Variants in PTBP3 observed in about 807,000 individuals in gnomAD.
PTBP3 encodes polypyrimidine tract binding protein 3.
PTBP3 carries 20 observed loss-of-function variants against 58.7 expected under a neutral mutation model. That is an observed-to-expected ratio of 0.34 (90% CI 0.24 to 0.50). The LOEUF (loss-of-function observed/expected upper bound fraction) is 0.50. Among genes scored for constraint, PTBP3 ranks in the 20% least tolerant of loss-of-function variants. PTBP3 has a pLI of 0.98. For missense variants in PTBP3, 509 were observed against 637.2 expected (o/e 0.80, Z 2.17); for synonymous variants, 185 against 219.8 (o/e 0.84, Z 1.40).
chr9:112,224,239 C>T (rs751237324), intron 12 of PTBP3, 29 bp from the exon 13 acceptor site: 6 of 1,380,728 alleles, frequency 4.3e-6, no homozygotes, highest in East Asian at 4.8e-5. Flanking sequence ...GAGTCAACTA[C>T]CTGGGCCGCA....
At chr9:112,234,310 A>C (rs1835361359) in intron 8 of PTBP3, among the ~76,000 whole-genome samples, 1 of 152,216 alleles carries the variant, frequency 6.6e-6, no homozygotes, top group South Asian at 2.1e-4. Context: ...CCCTGAAATA[A>C]ACAGCATGCA....
At chr9:112,294,144 C>T (rs1245293212) in intron 2 of PTBP3, among the ~76,000 whole-genome samples, 2 of 152,074 alleles carry the variant, frequency 1.3e-5, no homozygotes, top group Admixed American at 6.6e-5. Context: ...ATGATGGTAA[C>T]ATTTATAGCC....
intron 4 of PTBP3, among the ~76,000 whole-genome samples, chr9:112,267,812 A>AT (rs200111351): frequency 6.6e-6 from 1 of 152,154 alleles, no homozygotes; most frequent in African/African-American, 2.4e-5. Context: ...AACAATAAAT[A>AT]TTTTTTCTCC....
At chr9:112,324,931 T>G (rs1830098437) in intron 1 of PTBP3, among the ~76,000 whole-genome samples, 1 of 152,156 alleles carries the variant, frequency 6.6e-6, no homozygotes, top group African/African-American at 2.4e-5. Flanking sequence ...TGAAAAACAG[T>G]TGAACAATTT....
At chr9:112,314,731 C>T (rs1829631400) in intron 1 of PTBP3, among the ~76,000 whole-genome samples, 1 of 152,080 alleles carries the variant, frequency 6.6e-6, no homozygotes, top group African/African-American at 2.4e-5. Context: ...CACAAATCTA[C>T]AATTGCGGAC....
chr9:112,253,547 TA>T (rs1315188405), intron 5 of PTBP3, among the ~76,000 whole-genome samples: 1 of 152,152 alleles, frequency 6.6e-6, no homozygotes, highest in African/African-American at 2.4e-5. Flanking sequence ...ATAGGGGGGA[TA>T]AAACAACAAC....
chr9:112,332,844 G>GGTC (rs771035057), intron 1 of PTBP3: 4 of 1,612,362 alleles, frequency 2.5e-6, no homozygotes, highest in Non-Finnish European at 3.4e-6. Context: ...AAGCGTCCAT[G>GGTC]GTCACTAAGT....
Position 112,262,417 on chromosome 9 carries a change from G to A in PTBP3, c.516+18C>T, listed in dbSNP as rs1288896226. On this transcript the variant is annotated intron_variant, in intron 5 of 13. Coordinates refer to ENST00000374257, the MANE Select transcript of PTBP3 (RefSeq NM_001163788.4). ...CATATTTAACTTAACTTTCTTAAGG[G>A]TATTTATTCCTCCTTACCTGATGAA... is the stretch of plus-strand genomic sequence containing the variant. The A allele has an allele frequency of 2.4e-5, 38 of 1,554,212 alleles. No individual in the cohort carries two copies. Among genetic ancestry groups the A allele is most frequent in the Non-Finnish European group, 3.0e-5 (35 of 1,155,556 alleles).
chr9:112,373,839 C>T, the PTBP3 span, among the ~76,000 whole-genome samples: 4 of 152,152 alleles, frequency 2.6e-5, no homozygotes, highest in African/African-American at 9.7e-5. Flanking sequence ...ATGTTTTTAA[C>T]AAAAGAAGGA....
intron 4 of PTBP3, 146 bp downstream of exon 4, chr9:112,267,903 G>T: frequency 1.5e-6 from 1 of 655,956 alleles, no homozygotes; most frequent in Non-Finnish European, 2.2e-6. Flanking sequence ...CTTAAGAATT[G>T]GGGGGAAGAA....
the PTBP3 span, among the ~76,000 whole-genome samples, chr9:112,342,680 C>T: frequency 2.0e-5 from 3 of 151,506 alleles, no homozygotes; most frequent in African/African-American, 7.3e-5. Context: ...TGCACCATTG[C>T]ACTCCTGCCT....
chr9:112,336,656 T>A (rs1406354399), upstream of PTBP3, among the ~76,000 whole-genome samples: 4 of 149,670 alleles, frequency 2.7e-5, no homozygotes, highest in Non-Finnish European at 5.9e-5. Context: ...TAAAGTTATG[T>A]CTCTCTTACC....
intron 2 of PTBP3, among the ~76,000 whole-genome samples, chr9:112,283,880 C>T (rs1347685695): frequency 6.6e-6 from 1 of 152,162 alleles, no homozygotes; most frequent in Non-Finnish European, 1.5e-5. Flanking sequence ...CTAAAAGGGG[C>T]CAAGGTACAG....
At chr9:112,343,798 A>G in the PTBP3 span, among the ~76,000 whole-genome samples, 9 of 152,226 alleles carry the variant, frequency 5.9e-5, no homozygotes, top group African/African-American at 2.2e-4. Flanking sequence ...CTCAAAAAAA[A>G]AAAAAAAGAA....
intron 1 of PTBP3, among the ~76,000 whole-genome samples, chr9:112,310,924 G>A (rs568968519): frequency 1.3e-5 from 2 of 152,356 alleles, no homozygotes; most frequent in East Asian, 3.9e-4. Context: ...GAAAGAGAAT[G>A]AGCAAGGGGA....
chr9:112,233,808 C>A (rs748388486), intron 8 of PTBP3, among the ~76,000 whole-genome samples: 1 of 151,968 alleles, frequency 6.6e-6, no homozygotes, highest in Admixed American at 6.6e-5. Context: ...ACATGCACTT[C>A]TAGTCCCAGC....
chr9:112,289,507 G>A (rs993598372), intron 2 of PTBP3, among the ~76,000 whole-genome samples: 2 of 152,142 alleles, frequency 1.3e-5, no homozygotes, highest in Non-Finnish European at 2.9e-5. Flanking sequence ...GGGGCCAGGC[G>A]CCGTGGCTCA....
chr9:112,371,278 C>T, the PTBP3 span, among the ~76,000 whole-genome samples: 2 of 152,134 alleles, frequency 1.3e-5, no homozygotes, highest in African/African-American at 4.8e-5. Flanking sequence ...TGGTTAATGC[C>T]CAACTACTTA....
the PTBP3 span, among the ~76,000 whole-genome samples, chr9:112,373,098 G>C: frequency 3.3e-5 from 5 of 151,884 alleles, no homozygotes; most frequent in African/African-American, 1.2e-4. Flanking sequence ...GGCTTTCACC[G>C]TGTTAGCCAG....
Sources: gnomAD v4.1 joint callset for allele counts (sites outside exome capture counted in the v4.1 genomes callset) on GRCh38, gnomAD v4.1.1 for gene constraint, MANE v1.5 for transcripts, NCBI Gene and HGNC (gene_info 2026-07-23, HGNC 2026-07-21) for gene names.